SMAD2: variants seen among roughly 807,000 people sequenced by gnomAD.
SMAD2 encodes the protein SMAD family member 2.
SMAD2 carries 8 observed loss-of-function variants against 64.4 expected under a neutral mutation model. The ratio of observed to expected loss-of-function variants is 0.12; its 90% CI spans 0.07 to 0.22. The LOEUF is 0.22. SMAD2 is among the 10% of genes least tolerant of loss of function. The probability of loss-of-function intolerance (pLI) is 1.00; values close to 1 mark genes in which losing one functional copy is unlikely to be tolerated. For missense variants in SMAD2, 289 were observed against 561.2 expected, an observed-to-expected ratio of 0.51 and a Z score of 4.90; for synonymous variants, 203 against 195.8, an observed-to-expected ratio of 1.04 and a Z score of -0.31.
chr18:47,859,622 A>T (rs2031006280), intron 6 of SMAD2, among the ~76,000 whole-genome samples: 1 of 152,204 alleles, frequency 6.6e-6, no homozygotes, highest in Admixed American at 6.5e-5. Context: ...TAAAATTTGT[A>T]ATATAGAGCT....
At chr18:47,911,266 G>A (rs962748670) in intron 1 of SMAD2, among the ~76,000 whole-genome samples, 1 of 151,590 alleles carries the variant, frequency 6.6e-6, no homozygotes, top group Admixed American at 6.6e-5. Context: ...CAGGAGAATC[G>A]CTTGAACCTG....
chr18:47,908,667 C>T (rs551038301), intron 1 of SMAD2, among the ~76,000 whole-genome samples: 2 of 152,256 alleles, frequency 1.3e-5, no homozygotes, highest in South Asian at 4.1e-4. Flanking sequence ...TCATTAACTA[C>T]ATAAAATTAA....
At position 47,835,377 on chromosome 18, in the gene SMAD2, C is replaced by T. The variant is rs1913321719; in HGVS notation, c.*6450G>A. Reference sequence around the variant, plus strand: ...ATTAGTTATATAAAGCAATGGATTTCCACATTCTTAAAGCAGGAACCTATA... The same window carrying T: ...ATTAGTTATATAAAGCAATGGATTTTCACATTCTTAAAGCAGGAACCTATA... On this transcript the variant is annotated 3_prime_UTR_variant, in exon 11 of 11. Transcript: ENST00000262160. 2 of 203,704 alleles carry T rather than the reference C, an allele frequency of 9.8e-6. No individual in the cohort carries two copies. The highest frequency in any genetic ancestry group is 3.8e-4 in the South Asian group (2 of 5,310). 12.6% of individuals were successfully genotyped at this position (203,704 alleles called of 1,614,324 possible).
intron 6 of SMAD2, 34 bp from the exon 7 acceptor site, chr18:47,851,361 T>G (rs1300361329): frequency 1.4e-6 from 2 of 1,398,694 alleles, no homozygotes; most frequent in Non-Finnish European, 2.0e-6. Context: ...AAATGAAGTA[T>G]TTCCAGAACT....
intron 1 of SMAD2, among the ~76,000 whole-genome samples, chr18:47,899,354 C>T (rs1226274405): frequency 2.0e-5 from 3 of 151,510 alleles, no homozygotes; most frequent in Admixed American, 6.6e-5. Flanking sequence ...GGTAATGAAA[C>T]GCAATGCTGG....
rs145992638 is a variant in SMAD2 at position 47,842,884 on chromosome 18, C to T, written c.1281-934G>A. 8.2e-3 allele frequency among the ~76,000 whole-genome samples: 1,255 copies of T among 152,254 alleles called. 9 individuals are homozygous for T. Among genetic ancestry groups the T allele is most frequent in the East Asian group, 0.015 (75 of 5,168 alleles). On this transcript the variant is annotated intron_variant, in intron 10 of 10. Coordinates refer to ENST00000262160, the MANE Select transcript of SMAD2 (RefSeq NM_005901.6). The stretch of plus-strand genomic sequence containing the variant: ...TCAATGACATCCTGTCACTTCCATG[C>T]GCTGATTTTAGTTCCATCTTATTTG...
At chr18:47,922,367 C>A (rs1353591554) in intron 1 of SMAD2, among the ~76,000 whole-genome samples, 2 of 152,114 alleles carry the variant, frequency 1.3e-5, no homozygotes, top group African/African-American at 4.8e-5. Flanking sequence ...ATGGATTAAA[C>A]CAACCATGGA....
At chr18:47,851,545 GC>G (rs1568044329) in intron 6 of SMAD2, among the ~76,000 whole-genome samples, 1 of 152,066 alleles carries the variant, frequency 6.6e-6, no homozygotes, top group Non-Finnish European at 1.5e-5. Flanking sequence ...AACAGTTTTG[GC>G]TTCTAGCCCA....
chr18:47,880,459 GT>G (rs1191521629), intron 2 of SMAD2, among the ~76,000 whole-genome samples: 1 of 152,184 alleles, frequency 6.6e-6, no homozygotes, highest in Non-Finnish European at 1.5e-5. Flanking sequence ...GTTTATCTAT[GT>G]GGGGCTATCT....
chr18:47,857,164 A>G (rs951517379), intron 6 of SMAD2, among the ~76,000 whole-genome samples: 1 of 152,198 alleles, frequency 6.6e-6, no homozygotes, highest in Non-Finnish European at 1.5e-5. Context: ...TTGTTGTATA[A>G]TTTGAAATGC....
chr18:47,849,986 G>A (rs1021816591), intron 7 of SMAD2, among the ~76,000 whole-genome samples: 147 of 151,124 alleles, frequency 9.7e-4, no homozygotes, highest in African/African-American at 3.0e-3. Context: ...TAGCCTGGGC[G>A]ACAGAGCAAG....
rs1912862125 is a variant in SMAD2, at chr18:47,828,512, GAA to G, written c.*13313_*13314del. 1 of 171,220 alleles carries G rather than the reference GAA, an allele frequency of 5.8e-6. No individual in the cohort carries two copies. Among genetic ancestry groups the G allele is most frequent in the Non-Finnish European group, 1.2e-5 (1 of 83,510 alleles). 10.6% of individuals were successfully genotyped at this position (171,220 alleles called of 1,614,324 possible). A position where few individuals can be genotyped will look rare whatever the true frequency, so the allele number is the denominator to read the frequency against. On this transcript the variant is annotated 3_prime_UTR_variant, in exon 11 of 11. Coordinates refer to ENST00000262160, the MANE Select transcript of SMAD2 (RefSeq NM_005901.6). The stretch of plus-strand genomic sequence containing the variant: ...AGAAAAGGGGGAAATGTGGGGAAAG[GAA>G]AGAGAGATCAGATTGTTGCTGTGTC...
chr18:47,856,201 G>A (rs1030986151), intron 6 of SMAD2, among the ~76,000 whole-genome samples: 4 of 151,900 alleles, frequency 2.6e-5, no homozygotes, highest in Non-Finnish European at 5.9e-5. Context: ...CAGGTTGGGG[G>A]GAAAATAGGG....
chr18:47,907,621 C>T (rs563252011), intron 1 of SMAD2, among the ~76,000 whole-genome samples: 1 of 152,316 alleles, frequency 6.6e-6, no homozygotes, highest in South Asian at 2.1e-4. Flanking sequence ...TGTTTTCTAT[C>T]TTGAGAGGTA....
rs767933446 is a variant in SMAD2, at chr18:47,841,157, C to CA, written c.*669dup. ...AAGATTTAGCAGTTAAAAAAAAAAA[C>CA]AAAAAAAAACAAAAAACCACAAAAA... is the stretch of plus-strand genomic sequence containing the variant. On this transcript the variant is annotated 3_prime_UTR_variant, in exon 11 of 11. Coordinates refer to ENST00000262160, the MANE Select transcript of SMAD2 (RefSeq NM_005901.6). The CA allele has an allele frequency of 2.6e-3, 424 of 165,080 alleles. No individual in the cohort carries two copies. The highest frequency in any genetic ancestry group is 9.9e-3 in the African/African-American group (274 of 27,746). The allele number at this position is 165,080 out of a possible 1,614,324, so 10.2% of individuals were successfully genotyped here. A position where few individuals can be genotyped will look rare whatever the true frequency, so the allele number is the denominator to read the frequency against.
intron 6 of SMAD2, among the ~76,000 whole-genome samples, chr18:47,852,565 A>C (rs1037116982): frequency 1.3e-5 from 2 of 152,206 alleles, no homozygotes; most frequent in African/African-American, 4.8e-5. Flanking sequence ...TCCTCTGCAA[A>C]GGTTTAAATA....
chr18:47,912,542 GCAGT>G (rs1187784472), intron 1 of SMAD2: 1 of 152,320 alleles, frequency 6.6e-6, no homozygotes, highest in African/African-American at 2.4e-5. Flanking sequence ...AGGGGAGCTA[GCAGT>G]CAGTGTACAA....
chr18:47,873,862 G>C (rs557164642), intron 2 of SMAD2, among the ~76,000 whole-genome samples: 2 of 152,206 alleles, frequency 1.3e-5, no homozygotes, highest in African/African-American at 4.8e-5. Flanking sequence ...AACACTGCAG[G>C]GGGGTTGTTT....
At chr18:47,908,602 C>A (rs2033999272) in intron 1 of SMAD2, among the ~76,000 whole-genome samples, 2 of 152,104 alleles carry the variant, frequency 1.3e-5, no homozygotes, top group African/African-American at 2.4e-5. Context: ...AAACACAGAC[C>A]ATACATGGAG....
Sources: allele counts gnomAD v4.1 joint callset (sites outside exome capture counted in the v4.1 genomes callset), GRCh38; gene constraint gnomAD v4.1.1; transcripts MANE v1.5; gene names NCBI Gene and HGNC (gene_info 2026-07-23, HGNC 2026-07-21).